The following ZNF395 variants were observed in gnomAD, a reference collection of about 807,000 sequenced individuals.
The protein encoded by ZNF395 is zinc finger protein 395, also known as HD gene regulatory region-binding protein 2.
In ZNF395, 20 loss-of-function variants were observed where a neutral mutation model predicts 57.7. The ratio of observed to expected loss-of-function variants is 0.35; its 90% confidence interval spans 0.24 to 0.50. ZNF395 has a LOEUF of 0.50. ZNF395 is among the 20% of genes least tolerant of loss of function. The pLI, the probability that ZNF395 is intolerant of heterozygous loss-of-function variation, is 0.97. For synonymous variants in ZNF395, 295 were observed against 275.9 expected (o/e 1.07, Z -0.69); for missense variants, 606 against 671.2 (o/e 0.90, Z 1.07).
Position 28,356,622 on chromosome 8 carries a change from C to T in ZNF395, c.583+48G>A, listed in dbSNP as rs537917726. On this transcript the variant is annotated intron_variant, in intron 4 of 9. Coordinates refer to ENST00000344423, the MANE Select transcript of ZNF395 (RefSeq NM_018660.3). This position sits in a 1 kb window ranked among gnomAD's most constrained non-coding sequence, Gnocchi z 4.0. Reference sequence around the variant, plus strand: ...GCTGCTCTGCACAGAGGATGTTTGTCGTGGGCCTCTACCATGCCCAGAACC... The same window carrying T: ...GCTGCTCTGCACAGAGGATGTTTGTTGTGGGCCTCTACCATGCCCAGAACC... The T allele has an allele frequency of 1.4e-5, 20 of 1,425,324 alleles. No homozygotes were observed. Among genetic ancestry groups the T allele is most frequent in the Non-Finnish European group, 1.9e-5 (19 of 1,016,792 alleles). 88.3% of individuals were successfully genotyped at this position (1,425,324 alleles called of 1,614,324 possible).
Position 28,346,231 on chromosome 8 carries a change from G to A in ZNF395, c.*2488C>T, listed in dbSNP as rs1181772184. On this transcript the variant is annotated 3_prime_UTR_variant, in exon 10 of 10. Coordinates refer to ENST00000344423, the MANE Select transcript of ZNF395 (RefSeq NM_018660.3). ...CGTTAGTTTCTAAAAGCCCACCTAC[G>A]GCACCTTCCTTCCATCAGAGTCTGC... is the stretch of plus-strand genomic sequence containing the variant. 2 of 152,096 alleles carry A rather than the reference G, an allele frequency of 1.3e-5. No individual in the cohort carries two copies. Among genetic ancestry groups the A allele is most frequent in the African/African-American group, 2.4e-5 (1 of 41,406 alleles). The allele number at this position is 152,096 out of a possible 1,614,324, so 9.4% of individuals were successfully genotyped here.
At chr8:28,382,968 T>C (rs988808636) in intron 1 of ZNF395, among the ~76,000 whole-genome samples, 1 of 152,208 alleles carries the variant, frequency 6.6e-6, no homozygotes, top group African/African-American at 2.4e-5. Flanking sequence ...TACATGATTG[T>C]ATGTACTAGG....
At position 28,347,462 on chromosome 8, in the gene ZNF395, A is replaced by G. The variant is rs1184124177; in HGVS notation, c.*1257T>C. 1.3e-5 allele frequency: 2 copies of G among 151,946 alleles called. No homozygotes were observed. Among genetic ancestry groups the G allele is most frequent in the Admixed American group, 6.6e-5 (1 of 15,246 alleles). The allele number at this position is 151,946 out of a possible 1,614,324, so 9.4% of individuals were successfully genotyped here. On this transcript the variant is annotated 3_prime_UTR_variant, in exon 10 of 10. Coordinates refer to ENST00000344423, the MANE Select transcript of ZNF395 (RefSeq NM_018660.3). ...GCAGGGCTGGTTGGCATGGTGCTAC[A>G]CTCCCGAGACCTCCCTCCTTCTCCC...
At chr8:28,374,360 G>T (rs1802012504) in intron 1 of ZNF395, among the ~76,000 whole-genome samples, 1 of 152,192 alleles carries the variant, frequency 6.6e-6, no homozygotes, top group Non-Finnish European at 1.5e-5. Context: ...AAGGGACTGG[G>T]ATTAGGAACA....
At position 28,348,836 on chromosome 8, in the gene ZNF395, G is replaced by GAAA; in HGVS notation, c.1431-9_1431-7dup. ...TAGCCTCCCCTCGGGCTTTCCTGCA[G>GAAA]AAAGAGAGGAATGCAAATCGAGCCC... On this transcript the variant is annotated splice_polypyrimidine_tract_variant and splice_region_variant and intron_variant, in intron 9 of 9. Transcript: ENST00000344423. 1 of 1,613,630 alleles carries GAAA rather than the reference G, an allele frequency of 6.2e-7. No individual in the cohort carries two copies. Among genetic ancestry groups the GAAA allele is most frequent in the Admixed American group, 1.7e-5 (1 of 60,010 alleles).
chr8:28,353,785 A>G (rs1018804401), intron 4 of ZNF395, among the ~76,000 whole-genome samples: 1 of 152,046 alleles, frequency 6.6e-6, no homozygotes, highest in Non-Finnish European at 1.5e-5. Context: ...TATACATTAA[A>G]TAAAGGGGGG....
intron 2 of ZNF395, among the ~76,000 whole-genome samples, chr8:28,360,067 C>T (rs968306642): frequency 1.3e-5 from 2 of 152,232 alleles, no homozygotes; most frequent in African/African-American, 4.8e-5. Context: ...GCAAACATGT[C>T]AGTTTCTGGG....
chr8:28,380,275 G>A (rs1320355727), intron 1 of ZNF395, among the ~76,000 whole-genome samples: 4 of 152,086 alleles, frequency 2.6e-5, no homozygotes, highest in Non-Finnish European at 5.9e-5. Flanking sequence ...ATCTCAAAAC[G>A]CTACAATTCA....
At chr8:28,366,814 T>TAAAAAAAA (rs5890411) in intron 1 of ZNF395, among the ~76,000 whole-genome samples, 1 of 133,808 alleles carries the variant, frequency 7.5e-6, no homozygotes, top group Non-Finnish European at 1.6e-5. Context: ...AAAGAAAGTT[T>TAAAAAAAA]AAAAAAAAAA....
chr8:28,378,405 T>G (rs1172555348), intron 1 of ZNF395, among the ~76,000 whole-genome samples: 1 of 152,102 alleles, frequency 6.6e-6, no homozygotes, highest in African/African-American at 2.4e-5. Flanking sequence ...CATGCTTGGT[T>G]AATTTTTCTA....
chr8:28,365,194 G>A (rs1319426255), intron 1 of ZNF395, among the ~76,000 whole-genome samples: 1 of 152,204 alleles, frequency 6.6e-6, no homozygotes, highest in Non-Finnish European at 1.5e-5. Flanking sequence ...TCGATAGACA[G>A]CACAAGTAAC....
rs1484530120 is a variant in ZNF395, at chr8:28,353,395, G to A, written c.597C>T (p.Ala199=). 6.5e-7 allele frequency: 1 copy of A among 1,540,454 alleles called. No homozygotes were observed. Among genetic ancestry groups the A allele is most frequent in the Non-Finnish European group, 8.7e-7 (1 of 1,142,922 alleles). Residue 199 remains alanine, a synonymous_variant, in exon 5 of 10, where the codon GCC becomes GCT. Coordinates refer to ENST00000344423, the MANE Select transcript of ZNF395 (RefSeq NM_018660.3). ...CACCACTCTCCTTCCATGGGTCGCA[G>A]GCCGCACGGGAAGCTGGCCAGATGA... ...TEANFSASRA[A]CDPWKESGDI... is the part of the protein sequence containing the mutation.
intron 1 of ZNF395, among the ~76,000 whole-genome samples, chr8:28,374,687 T>C (rs1405924427): frequency 1.3e-5 from 2 of 152,094 alleles, no homozygotes; most frequent in East Asian, 1.9e-4. Context: ...TAAATTTATA[T>C]GCTAGTTCAA....
At chr8:28,362,140 C>G (rs1801857628) in intron 1 of ZNF395, among the ~76,000 whole-genome samples, 1 of 151,908 alleles carries the variant, frequency 6.6e-6, no homozygotes, top group Non-Finnish European at 1.5e-5. Flanking sequence ...TTCCTCTCAT[C>G]TTACACTTGA....
intron 1 of ZNF395, among the ~76,000 whole-genome samples, chr8:28,375,086 C>T (rs1473355722): frequency 6.6e-6 from 1 of 152,092 alleles, no homozygotes; most frequent in South Asian, 2.1e-4. Context: ...CCTATAGAGT[C>T]CTTAGAAATA....
intron 2 of ZNF395, 89 bp downstream of exon 2, chr8:28,360,796 G>T: frequency 6.5e-7 from 1 of 1,536,930 alleles, no homozygotes; most frequent in Non-Finnish European, 8.7e-7. Context: ...ACGGTGCCCA[G>T]AGAGTTTCCG....
At chr8:28,360,824 C>T (rs1015751472) in intron 2 of ZNF395, 61 bp downstream of exon 2, 64 of 1,587,824 alleles carry the variant, frequency 4.0e-5, no homozygotes, top group Non-Finnish European at 1.1e-5. Context: ...ACTAGGGCAC[C>T]CCAGCCCCCT....
chr8:28,384,905 T>C (rs981507759), intron 1 of ZNF395, among the ~76,000 whole-genome samples: 4 of 152,198 alleles, frequency 2.6e-5, no homozygotes, highest in African/African-American at 9.7e-5. Context: ...CTCTCCCACC[T>C]CCCAGAGGGC....
intron 4 of ZNF395, among the ~76,000 whole-genome samples, chr8:28,355,401 T>C (rs1055868830): frequency 1.3e-5 from 2 of 151,726 alleles, no homozygotes; most frequent in African/African-American, 4.8e-5. Context: ...ACTTCAGCTA[T>C]AAGATAAAAA....
Sources: allele counts gnomAD v4.1 joint callset (sites outside exome capture counted in the v4.1 genomes callset), GRCh38; gene constraint gnomAD v4.1.1; non-coding constraint Gnocchi (gnomAD v3.1); transcripts MANE v1.5; gene names NCBI Gene and HGNC (gene_info 2026-07-23, HGNC 2026-07-21).